Variants in CD3E observed in about 807,000 individuals in gnomAD.
The protein encoded by CD3E is CD3 epsilon subunit of T-cell receptor complex.
CD3E carries 16 observed loss-of-function variants against 34.7 expected under a neutral mutation model. That is an observed-to-expected ratio of 0.46 (90% confidence interval 0.31 to 0.70). The LOEUF (loss-of-function observed/expected upper bound fraction) is 0.70, where lower values mean the gene tolerates loss of function less well. CD3E is among the 30% of genes least tolerant of loss of function. The pLI is 0.05. For missense variants in CD3E, 223 were observed against 253.9 expected (o/e 0.88, Z 0.83); for synonymous variants, 70 against 90.8 (o/e 0.77, Z 1.30).
chr11:118,312,268 A>C, intron 5 of CD3E, 98 bp downstream of exon 5: 1 of 1,075,912 alleles, frequency 9.3e-7, no homozygotes, highest in Non-Finnish European at 1.5e-6. Context: ...CCAAGAACTG[A>C]TATCTTCCCA....
intron 7 of CD3E, 48 bp from the exon 8 acceptor site, chr11:118,314,400 G>A: frequency 6.5e-7 from 1 of 1,545,448 alleles, no homozygotes; most frequent in Non-Finnish European, 8.9e-7. Flanking sequence ...AGTGCTGCAA[G>A]ATTGGTTCCC....
chr11:118,307,902 C>T (rs1054419420), intron 3 of CD3E, among the ~76,000 whole-genome samples: 3 of 152,180 alleles, frequency 2.0e-5, no homozygotes, highest in African/African-American at 7.2e-5. Flanking sequence ...GACACCATGG[C>T]TCACACCTGT....
Position 118,304,960 on chromosome 11 carries a change from C to T in CD3E, c.8C>T (p.Ser3Leu), listed in dbSNP as rs771841066. 1.2e-5 allele frequency: 19 copies of T among 1,613,740 alleles called. No individual in the cohort carries two copies. The highest frequency in any genetic ancestry group is 2.2e-5 in the South Asian group (2 of 91,072). Reference protein sequence around the residue: MQSGTHWRVLGLC... With the variant: MQLGTHWRVLGLC... ...CAGTCCCATGAAACAAAGATGCAGTCGGGCACTCACTGGAGAGTTCTGGGC... is the reference window on the plus strand; with the variant it reads ...CAGTCCCATGAAACAAAGATGCAGTTGGGCACTCACTGGAGAGTTCTGGGC... The change falls in exon 2 of 9, where the codon TCG becomes TTG. Residue 3 changes from serine to leucine, a missense_variant. Physicochemically the swap from Ser to Leu is moderately radical, Grantham distance 145. Transcript: ENST00000361763.
chr11:118,310,683 T>C (rs1948130961), intron 4 of CD3E, among the ~76,000 whole-genome samples: 1 of 152,192 alleles, frequency 6.6e-6, no homozygotes, highest in African/African-American at 2.4e-5. Context: ...ATAAAAGTTG[T>C]GAGCAATTTT....
At position 118,315,987 on chromosome 11, in the gene CD3E, G is replaced by A. The variant is rs199940650; in HGVS notation, c.*445G>A. The A allele has an allele frequency of 1.2e-5, 3 of 240,062 alleles. No individual in the cohort carries two copies. The highest frequency in any genetic ancestry group is 2.3e-5 in the African/African-American group (1 of 43,790). The allele number at this position is 240,062 out of a possible 1,614,324, so 14.9% of individuals were successfully genotyped here. A position where few individuals can be genotyped will look rare whatever the true frequency, so the allele number is the denominator to read the frequency against. On this transcript the variant is annotated 3_prime_UTR_variant, in exon 9 of 9. Transcript: ENST00000361763. ...TAAATGTTGACAGAGGCCCTGCCCCGTTCACAGATCCTGGCCCTGAGCCAG... is the reference window on the plus strand; with the variant it reads ...TAAATGTTGACAGAGGCCCTGCCCCATTCACAGATCCTGGCCCTGAGCCAG...
chr11:118,313,932 G>A (rs1357678243), intron 7 of CD3E, 58 bp downstream of exon 7: 14 of 1,582,888 alleles, frequency 8.8e-6, no homozygotes, highest in Non-Finnish European at 1.2e-5. Flanking sequence ...ACCAGCCTGG[G>A]CCAGGGTGGG....
At chr11:118,305,279 TC>T (rs1948099606) in intron 2 of CD3E, among the ~76,000 whole-genome samples, 1 of 152,190 alleles carries the variant, frequency 6.6e-6, no homozygotes. Context: ...ACGAGCTCAT[TC>T]CAACTTACCC....
intron 4 of CD3E, among the ~76,000 whole-genome samples, chr11:118,311,944 A>C (rs1192118479): frequency 6.6e-6 from 1 of 152,184 alleles, no homozygotes; most frequent in Non-Finnish European, 1.5e-5. Context: ...TCTGAGTTAC[A>C]TCTATGAGCT....
At position 118,314,861 on chromosome 11, in the gene CD3E, AT is replaced by A. The variant is rs1177969188; in HGVS notation, c.567+369del. 7.2e-5 allele frequency among the ~76,000 whole-genome samples: 11 copies of A among 152,260 alleles called. No individual in the cohort carries two copies. The East Asian group carries it at 1.2e-3, about 16-fold the overall frequency. On this transcript the variant is annotated intron_variant, in intron 8 of 8. Transcript: ENST00000361763. Reference sequence around the variant, plus strand: ...TATAGCGAGTTATTGAAATATTAAAATTATATAAATATTATATAAAAGTTAT... The same window carrying A: ...TATAGCGAGTTATTGAAATATTAAAATATATAAATATTATATAAAAGTTAT...
At position 118,313,795 on chromosome 11, in the gene CD3E, G is replaced by A. The variant is rs528492194; in HGVS notation, c.441G>A (p.Leu147=). 6.9e-5 allele frequency: 111 copies of A among 1,614,136 alleles called. 1 individual carries two copies. The East Asian group carries it at 2.4e-3, about 35-fold the overall frequency. The change falls in exon 7 of 9, where the codon CTG becomes CTA. Residue 147 remains leucine, a synonymous_variant. Transcript: ENST00000361763. ...DICITGGLLL[L]VYYWSKNRKA... ...GCATCACTGGGGGCTTGCTGCTGCT[G>A]GTTTACTACTGGAGCAAGAATAGAA...
At chr11:118,312,229 G>A in intron 5 of CD3E, 59 bp downstream of exon 5, 1 of 1,393,714 alleles carries the variant, frequency 7.2e-7, no homozygotes, top group Non-Finnish European at 1.0e-6. Flanking sequence ...GTGGGTAGAT[G>A]AGAAGGAACT....
intron 4 of CD3E, among the ~76,000 whole-genome samples, chr11:118,311,388 A>G (rs1948134907): frequency 6.6e-6 from 1 of 152,216 alleles, no homozygotes; most frequent in Non-Finnish European, 1.5e-5. Flanking sequence ...TACGAATGGC[A>G]TTAGTGGTTT....
intron 3 of CD3E, among the ~76,000 whole-genome samples, chr11:118,307,998 G>A (rs1948117041): frequency 6.6e-6 from 1 of 152,022 alleles, no homozygotes; most frequent in Non-Finnish European, 1.5e-5. Flanking sequence ...GCGAAACCCC[G>A]TCTCTACTAA....
chr11:118,313,929 TG>T (rs1948150966), intron 7 of CD3E, 55 bp downstream of exon 7: 1 of 1,586,926 alleles, frequency 6.3e-7, no homozygotes, highest in African/African-American at 1.3e-5. Flanking sequence ...ACGACCAGCC[TG>T]GGCCAGGGTG....
At position 118,315,751 on chromosome 11, in the gene CD3E, C is replaced by T. The variant is rs1948163204; in HGVS notation, c.*209C>T. 2 of 626,772 alleles carry T rather than the reference C, an allele frequency of 3.2e-6. No homozygotes were observed. Among genetic ancestry groups the T allele is most frequent in the Non-Finnish European group, 5.8e-6 (2 of 347,296 alleles). 38.8% of individuals were successfully genotyped at this position (626,772 alleles called of 1,614,324 possible). On this transcript the variant is annotated 3_prime_UTR_variant, in exon 9 of 9. Transcript: ENST00000361763. Reference sequence around the variant, plus strand: ...CCTAAAATATTGCTGCTTCCTCTTCCTTTGAAGCATCATCAGTAGTCACAC... The same window carrying T: ...CCTAAAATATTGCTGCTTCCTCTTCTTTTGAAGCATCATCAGTAGTCACAC...
chr11:118,314,139 T>G (rs1240895705), intron 7 of CD3E, among the ~76,000 whole-genome samples: 1 of 152,178 alleles, frequency 6.6e-6, no homozygotes, highest in Non-Finnish European at 1.5e-5. Context: ...GTCATCCGAT[T>G]CCGCCCCTAA....
chr11:118,305,049 A>G, intron 2 of CD3E, 48 bp downstream of exon 2: 1 of 1,556,890 alleles, frequency 6.4e-7, no homozygotes, highest in Non-Finnish European at 8.9e-7. Context: ...GACCGCTGGA[A>G]GGCTTACAGC....
At chr11:118,309,342 G>A (rs1319731098) in intron 4 of CD3E, among the ~76,000 whole-genome samples, 3 of 152,196 alleles carry the variant, frequency 2.0e-5, no homozygotes, top group East Asian at 1.9e-4. Context: ...TTGAGAAGCC[G>A]AGGTGGGAGG....
At chr11:118,311,471 GAT>G (rs1463806508) in intron 4 of CD3E, among the ~76,000 whole-genome samples, 23 of 152,214 alleles carry the variant, frequency 1.5e-4, no homozygotes, top group Non-Finnish European at 3.4e-4. Context: ...ATTATGCTCA[GAT>G]ATAATGTAAA....
Sources: allele counts gnomAD v4.1 joint callset (sites outside exome capture counted in the v4.1 genomes callset), GRCh38; gene constraint gnomAD v4.1.1; transcripts MANE v1.5; gene names NCBI Gene and HGNC (gene_info 2026-07-23, HGNC 2026-07-21).